The following POLN variants were observed in gnomAD, a reference collection of about 807,000 sequenced individuals.
The protein encoded by POLN is DNA polymerase N.
Under a neutral mutation model 113.5 loss-of-function variants are expected in POLN, and 108 were observed. The observed-to-expected ratio is 0.95, with a 90% confidence interval of 0.81 to 1.12. The LOEUF is 1.12. Among genes scored for constraint, POLN ranks in the 50% most tolerant of loss-of-function variants. The pLI is 0.00. For synonymous variants in POLN, 386 were observed against 391.5 expected, an observed-to-expected ratio of 0.99 and a Z score of 0.17; for missense variants, 1,097 against 1,077.1, an observed-to-expected ratio of 1.02 and a Z score of -0.26.
chr4:2,082,380 G>C (rs1296490009), intron 21 of POLN, among the ~76,000 whole-genome samples: 1 of 152,208 alleles, frequency 6.6e-6, no homozygotes, highest in East Asian at 1.9e-4. Flanking sequence ...ACTCTGGACT[G>C]TGTGGGATGG....
chr4:2,232,566 G>A (rs1215951551), intron 2 of POLN, among the ~76,000 whole-genome samples: 3 of 152,072 alleles, frequency 2.0e-5, no homozygotes, highest in Non-Finnish European at 4.4e-5. Flanking sequence ...TGTTTATTCT[G>A]GACAGAAGGT....
At chr4:2,222,032 T>C (rs1734264105) in intron 3 of POLN, among the ~76,000 whole-genome samples, 1 of 152,226 alleles carries the variant, frequency 6.6e-6, no homozygotes, top group Non-Finnish European at 1.5e-5. Flanking sequence ...CAGGACTTCC[T>C]AAGGCTGTGT....
chr4:2,072,352 C>G, intron 25 of POLN, 53 bp from the exon 26 acceptor site: 2 of 1,445,264 alleles, frequency 1.4e-6, no homozygotes, highest in African/African-American at 2.9e-5. Context: ...CACCCCCAGC[C>G]ACCTCCCAGA....
rs780592787 is a variant in POLN, at chr4:2,229,069, G to C, written c.133+30C>G. On this transcript the variant is annotated intron_variant, in intron 3 of 25. Transcript: ENST00000511885. ...GAACAATTAACATTCAAAGTATCAA[G>C]AGAAAGAAAGGTTCATAAAAATTAC... The C allele has an allele frequency of 5.1e-6, 8 of 1,554,144 alleles. No homozygotes were observed. The Admixed American group carries it at 5.5e-5, about 11-fold the overall frequency.
At chr4:2,147,385 C>T (rs939078360) in intron 16 of POLN, among the ~76,000 whole-genome samples, 7 of 152,158 alleles carry the variant, frequency 4.6e-5, no homozygotes, top group Admixed American at 1.3e-4. Flanking sequence ...TAAAAAATGA[C>T]AGTTCTAAGA....
intron 19 of POLN, among the ~76,000 whole-genome samples, chr4:2,105,558 T>C (rs1294203301): frequency 1.3e-5 from 2 of 152,110 alleles, no homozygotes; most frequent in Non-Finnish European, 2.9e-5. Context: ...CATATATTTA[T>C]GAAAGTTCAG....
chr4:2,174,795 A>T (rs764555512), intron 9 of POLN, 44 bp from the exon 10 acceptor site: 13 of 1,326,908 alleles, frequency 9.8e-6, no homozygotes, highest in Middle Eastern at 2.0e-4. Flanking sequence ...TTTAAATATT[A>T]TTGTATCTGC....
Position 2,150,039 on chromosome 4 carries a change from C to T in POLN, c.1731+6749G>A, listed in dbSNP as rs1014901823. 3.1e-4 allele frequency among the ~76,000 whole-genome samples: 47 copies of T among 151,936 alleles called. 1 individual carries two copies. The highest frequency in any genetic ancestry group is 1.1e-3 in the African/African-American group (45 of 41,402). On this transcript the variant is annotated intron_variant, in intron 16 of 25. Coordinates refer to ENST00000511885, the MANE Select transcript of POLN (RefSeq NM_181808.4). Reference sequence around the variant, plus strand: ...CAGAGGTTACAGTGGGCCAAGATCACGCCACTGCACTCCAGCCTGGGCAAC... The same window carrying T: ...CAGAGGTTACAGTGGGCCAAGATCATGCCACTGCACTCCAGCCTGGGCAAC...
chr4:2,235,693 T>C (rs1352595950), intron 2 of POLN, among the ~76,000 whole-genome samples: 1 of 152,186 alleles, frequency 6.6e-6, no homozygotes, highest in Non-Finnish European at 1.5e-5. Flanking sequence ...ACCACCAGTA[T>C]AATAACAGCA....
intron 5 of POLN, among the ~76,000 whole-genome samples, chr4:2,206,284 C>A (rs1733840137): frequency 1.3e-5 from 2 of 152,254 alleles, no homozygotes; most frequent in South Asian, 4.1e-4. Context: ...ATACCTGAAA[C>A]TATAAAAATT....
At chr4:2,076,435 C>A (rs1046589784) in intron 23 of POLN, 1 of 152,366 alleles carries the variant, frequency 6.6e-6, no homozygotes, top group Non-Finnish European at 1.5e-5. Context: ...CTACTGCCAG[C>A]CTCTCCTGTG....
At chr4:2,238,590 T>G in intron 2 of POLN, 1 of 1,457,648 alleles carries the variant, frequency 6.9e-7, no homozygotes, top group South Asian at 1.4e-5. Flanking sequence ...AAAGAAACAA[T>G]GAAGCATACG....
At chr4:2,098,926 A>G (rs1314553186) in intron 19 of POLN, among the ~76,000 whole-genome samples, 1 of 152,172 alleles carries the variant, frequency 6.6e-6, no homozygotes, top group Non-Finnish European at 1.5e-5. Flanking sequence ...GCGCACACAC[A>G]CACACACACA....
chr4:2,193,725 G>A (rs1312895101), intron 6 of POLN, among the ~76,000 whole-genome samples: 3 of 152,178 alleles, frequency 2.0e-5, no homozygotes, highest in Non-Finnish European at 4.4e-5. Flanking sequence ...ACCACAGGCT[G>A]TGCCACGTCC....
At chr4:2,100,526 G>C (rs1730897915) in intron 19 of POLN, among the ~76,000 whole-genome samples, 1 of 152,210 alleles carries the variant, frequency 6.6e-6, no homozygotes, top group Non-Finnish European at 1.5e-5. Flanking sequence ...ATACAACAGT[G>C]AAAAGACATC....
chr4:2,136,078 C>T (rs1317657531), intron 16 of POLN, among the ~76,000 whole-genome samples: 19 of 152,166 alleles, frequency 1.2e-4, no homozygotes, highest in Non-Finnish European at 1.5e-5. Context: ...CTGGTCCCCT[C>T]GTGTTGACCA....
intron 6 of POLN, among the ~76,000 whole-genome samples, chr4:2,194,260 T>C (rs1733522501): frequency 6.6e-6 from 1 of 152,180 alleles, no homozygotes; most frequent in African/African-American, 2.4e-5. Flanking sequence ...AAGCCATCAA[T>C]CCCTCTTTAT....
At chr4:2,191,661 A>C (rs932490023) in intron 7 of POLN, among the ~76,000 whole-genome samples, 3 of 152,150 alleles carry the variant, frequency 2.0e-5, no homozygotes, top group Non-Finnish European at 4.4e-5. Context: ...AAAAGAATAA[A>C]AGATTATTGG....
chr4:2,226,147 G>A (rs183658970), intron 3 of POLN, among the ~76,000 whole-genome samples: 4 of 152,252 alleles, frequency 2.6e-5, no homozygotes, highest in African/African-American at 9.6e-5. Flanking sequence ...CAGGGTTGGA[G>A]AAGAATCATT....
Sources: allele counts gnomAD v4.1 joint callset (sites outside exome capture counted in the v4.1 genomes callset), GRCh38; gene constraint gnomAD v4.1.1; transcripts MANE v1.5; gene names NCBI Gene and HGNC (gene_info 2026-07-23, HGNC 2026-07-21).